TP53BP1: variants seen among roughly 807,000 people sequenced by gnomAD.
TP53BP1 encodes the protein TP53-binding protein 1.
TP53BP1 carries 61 observed loss-of-function variants against 200.8 expected under a neutral mutation model. That is an observed-to-expected ratio of 0.30 (90% CI 0.25 to 0.38). The LOEUF is 0.38. TP53BP1 is among the 10% of genes least tolerant of loss of function. TP53BP1 has a pLI of 1.00. For missense variants in TP53BP1, 2,144 were observed against 2,371.9 expected (o/e 0.90, Z 2.00); for synonymous variants, 822 against 844.3 (o/e 0.97, Z 0.46).
In TP53BP1 at chr15:43,405,087, A is replaced by C; in HGVS notation, c.*2296T>G. On this transcript the variant is annotated 3_prime_UTR_variant, in exon 28 of 28. Transcript: ENST00000382044. ...TATTGTAGCAGAAGAGTCAAAAGAA[A>C]CTCTTCAGTTTTAAGATGACATTAT... is the stretch of plus-strand genomic sequence containing the variant. 1 of 1,231,688 alleles carries C rather than the reference A, an allele frequency of 8.1e-7. No homozygotes were observed. The highest frequency in any genetic ancestry group is 1.2e-6 in the Non-Finnish European group (1 of 859,062). The allele number at this position is 1,231,688 out of a possible 1,614,324, so 76.3% of individuals were successfully genotyped here. A position where few individuals can be genotyped will look rare whatever the true frequency, so the allele number is the denominator to read the frequency against.
intron 15 of TP53BP1, chr15:43,441,250 T>A: frequency 3.2e-6 from 1 of 309,566 alleles, no homozygotes; most frequent in Non-Finnish European, 5.9e-6. Context: ...GAGACTCTTG[T>A]ATCAGCAACA....
Position 43,492,044 on chromosome 15 carries a change from T to A in TP53BP1, c.244A>T (p.Asn82Tyr). ...TTCAAATGTTCATTGAACCCACTAT[T>A]ACCGTCTCCTCGTTCTTCTCCAGCT... ...QTAGEERGDGNSGFNEHLKEN... is the reference protein window; with the variant it reads ...QTAGEERGDGYSGFNEHLKEN... The change falls in exon 3 of 28, where the codon AAT becomes TAT. Residue 82 changes from asparagine (N) to tyrosine (Y), a missense_variant. By Grantham distance (143) the Asn-to-Tyr change is moderately radical. This residue lies in a region of TP53BP1 where 1,700 missense variants were observed against 1,710.3 expected (regional missense o/e 0.99). Transcript: ENST00000382044. The A allele has an allele frequency of 1.2e-6, 2 of 1,614,112 alleles. No homozygotes were observed. Among genetic ancestry groups the A allele is most frequent in the Non-Finnish European group, 1.7e-6 (2 of 1,179,964 alleles).
In TP53BP1 at chr15:43,469,994, T is replaced by TC; in HGVS notation, c.1252dup (p.Glu418GlyfsTer13). Reference sequence around the variant, plus strand: ...AGGGGGGTTTTCTAACTCCACTGGTTCACCACTTTGAAGTTTCTTCTGAAA... The same window carrying TC: ...AGGGGGGTTTTCTAACTCCACTGGTTCCACCACTTTGAAGTTTCTTCTGAAA... On this transcript the variant is annotated frameshift_variant, in exon 11 of 28. Coordinates refer to ENST00000382044, the MANE Select transcript of TP53BP1 (RefSeq NM_001141980.3). LOFTEE classifies it high-confidence loss of function. The TC allele has an allele frequency of 6.2e-7, 1 of 1,613,944 alleles. No homozygotes were observed. Among genetic ancestry groups the TC allele is most frequent in the Non-Finnish European group, 8.5e-7 (1 of 1,180,026 alleles).
At chr15:43,495,218 C>T (rs1416404595), upstream of TP53BP1, among the ~76,000 whole-genome samples, 1 of 143,900 alleles carries the variant, frequency 6.9e-6, no homozygotes, top group Non-Finnish European at 1.5e-5. Context: ...ACCTAAAAAC[C>T]GCCAGGCGCA....
chr15:43,451,520 T>C (rs2046170185), intron 12 of TP53BP1, among the ~76,000 whole-genome samples: 1 of 152,184 alleles, frequency 6.6e-6, no homozygotes, highest in Non-Finnish European at 1.5e-5. Flanking sequence ...GAACTCATCA[T>C]TTTTTATGGC....
chr15:43,468,981 G>A (rs1262682900), intron 11 of TP53BP1, among the ~76,000 whole-genome samples: 1 of 152,086 alleles, frequency 6.6e-6, no homozygotes, highest in Non-Finnish European at 1.5e-5. Flanking sequence ...TAAATTTACA[G>A]TTCATTACTA....
In TP53BP1 at chr15:43,479,912, G is replaced by A. The variant is rs756804341; in HGVS notation, c.605C>T (p.Ser202Leu). Residue 202 changes from serine to leucine, a missense_variant, in exon 6 of 28, where the codon TCA becomes TTA. Physicochemically the swap from Ser to Leu is moderately radical, Grantham distance 145. Coordinates refer to ENST00000382044, the MANE Select transcript of TP53BP1 (RefSeq NM_001141980.3). ...PYEVDKEQLQ[S>L]VTTNSGYTRL... is the part of the protein sequence containing the mutation. Reference sequence around the variant, plus strand: ...GGTATAACCAGAGTTGGTGGTTACTGATTGTAGCTGCTCTTTGTCCACTTC... The same window carrying A: ...GGTATAACCAGAGTTGGTGGTTACTAATTGTAGCTGCTCTTTGTCCACTTC... The A allele has an allele frequency of 6.2e-7, 1 of 1,614,178 alleles. No individual in the cohort carries two copies. The highest frequency in any genetic ancestry group is 1.1e-5 in the South Asian group (1 of 91,084).
At chr15:43,409,768 A>ATAAT in intron 24 of TP53BP1, 27 bp from the exon 25 acceptor site, 3 of 1,190,834 alleles carry the variant, frequency 2.5e-6, no homozygotes, top group Non-Finnish European at 3.5e-6. Flanking sequence ...AACCAAGATA[A>ATAAT]TAATTACTGA....
At chr15:43,509,220 A>T (rs1213384551) in intron 1 of TP53BP1, among the ~76,000 whole-genome samples, 1 of 130,708 alleles carries the variant, frequency 7.7e-6, no homozygotes, top group Non-Finnish European at 1.6e-5. Flanking sequence ...ACAGCGGAAC[A>T]CCGTCTCATG....
At chr15:43,432,797 A>G in intron 16 of TP53BP1, 120 bp from the exon 17 acceptor site, 1 of 1,125,688 alleles carries the variant, frequency 8.9e-7, no homozygotes, top group Non-Finnish European at 1.2e-6. Flanking sequence ...TGACAATTTG[A>G]GAAATGTAAG....
At chr15:43,472,811 C>A (rs1272981898) in intron 10 of TP53BP1, among the ~76,000 whole-genome samples, 2 of 152,188 alleles carry the variant, frequency 1.3e-5, no homozygotes, top group Non-Finnish European at 2.9e-5. Flanking sequence ...ACAGAAATCT[C>A]AATAGAATTA....
chr15:43,506,376 T>C (rs965339126), intron 1 of TP53BP1, among the ~76,000 whole-genome samples: 4 of 152,226 alleles, frequency 2.6e-5, no homozygotes, highest in Admixed American at 2.6e-4. Context: ...TATGAAGGCC[T>C]GGGGGTTGAG....
chr15:43,466,342 AC>A lies in TP53BP1; in HGVS notation c.1389+3515del, dbSNP rs2046580536. Among the ~76,000 whole-genome samples, 4 of 152,240 alleles carry A rather than the reference AC, an allele frequency of 2.6e-5. No homozygotes were observed. The East Asian group carries it at 7.7e-4, about 29-fold the overall frequency. On this transcript the variant is annotated intron_variant, in intron 11 of 27. Coordinates refer to ENST00000382044, the MANE Select transcript of TP53BP1 (RefSeq NM_001141980.3). ...CTCAACATCCTGAAAGGAGTTTCTG[AC>A]AATTGGTGGAGAATCTAGGGTTGAT...
Position 43,438,397 on chromosome 15 carries a change from C to T in TP53BP1, c.3118G>A (p.Val1040Met). Residue 1040 changes from valine (V) to methionine (M), a missense_variant, in exon 16 of 28, where the codon GTG becomes ATG. Coordinates refer to ENST00000382044, the MANE Select transcript of TP53BP1 (RefSeq NM_001141980.3). The part of the protein sequence containing the change: ...SVASPQKTMS[V>M]LSCICEARQE... Reference sequence around the variant, plus strand: ...CTGGCTTCACAGATACAGCTCAACACAGACATGGTCTTCTGGGGACTAAGA... The same window carrying T: ...CTGGCTTCACAGATACAGCTCAACATAGACATGGTCTTCTGGGGACTAAGA... 1.2e-6 allele frequency: 2 copies of T among 1,612,762 alleles called. No homozygotes were observed. Among genetic ancestry groups the T allele is most frequent in the Non-Finnish European group, 8.5e-7 (1 of 1,179,424 alleles).
At chr15:43,414,681 T>G (rs1160916873) in intron 23 of TP53BP1, among the ~76,000 whole-genome samples, 1 of 151,354 alleles carries the variant, frequency 6.6e-6, no homozygotes, top group Non-Finnish European at 1.5e-5. Context: ...TCGGGGATAA[T>G]GGGGAGAGGG....
At chr15:43,432,729 G>T (rs925943840) in intron 16 of TP53BP1, 52 bp from the exon 17 acceptor site, 1 of 1,545,530 alleles carries the variant, frequency 6.5e-7, no homozygotes. Flanking sequence ...GTGTATGTGT[G>T]AACGTGTGTG....
At chr15:43,416,785 G>T (rs1285450832) in intron 21 of TP53BP1, 1 of 167,138 alleles carries the variant, frequency 6.0e-6, no homozygotes, top group Non-Finnish European at 1.3e-5. Flanking sequence ...TGGTTCCCTG[G>T]GAGGCTGAGT....
upstream of TP53BP1, chr15:43,497,544 G>T: frequency 1.4e-6 from 1 of 700,572 alleles, no homozygotes; most frequent in Non-Finnish European, 1.8e-6. Context: ...CAGTACTATA[G>T]AATAAAAATC....
At chr15:43,422,827 C>G (rs1383858430) in intron 18 of TP53BP1, among the ~76,000 whole-genome samples, 2 of 151,844 alleles carry the variant, frequency 1.3e-5, no homozygotes, top group African/African-American at 2.4e-5. Flanking sequence ...GAACAGGTCT[C>G]CATATGAAAA....
Sources: gnomAD v4.1 joint callset for allele counts (sites outside exome capture counted in the v4.1 genomes callset) on GRCh38, gnomAD v4.1.1 for gene constraint, gnomAD v4.1.1 regional missense constraint, MANE v1.5 for transcripts, NCBI Gene and HGNC (gene_info 2026-07-23, HGNC 2026-07-21) for gene names.